Variants in ZFPM2 observed in about 807,000 individuals in gnomAD.
The protein encoded by ZFPM2 is zinc finger protein, FOG family member 2, also known as zinc finger protein ZFPM2.
In ZFPM2, 20 loss-of-function variants were observed where a neutral mutation model predicts 98.6. That is an observed-to-expected ratio of 0.20 (90% CI 0.14 to 0.29). The LOEUF is 0.29. Among genes scored for constraint, ZFPM2 ranks in the 10% least tolerant of loss-of-function variants. ZFPM2 has a pLI of 1.00. For synonymous variants in ZFPM2, 518 were observed against 502.7 expected (o/e 1.03, Z -0.41); for missense variants, 1,310 against 1,388.6 (o/e 0.94, Z 0.90).
At chr8:105,590,476 G>T (rs558945454) in intron 4 of ZFPM2, among the ~76,000 whole-genome samples, 1 of 152,244 alleles carries the variant, frequency 6.6e-6, no homozygotes, top group South Asian at 2.1e-4. Flanking sequence ...TATTAAAAAT[G>T]CTGTGTTTAT....
In ZFPM2 at chr8:105,587,137, C is replaced by T. The variant is rs959869670; in HGVS notation, c.420+25656C>T. 9.4e-4 allele frequency among the ~76,000 whole-genome samples: 142 copies of T among 151,430 alleles called. 1 individual carries two copies. The highest frequency in any genetic ancestry group is 7.8e-4 in the Non-Finnish European group (53 of 67,856). On this transcript the variant is annotated intron_variant, in intron 4 of 7. Transcript: ENST00000407775. Reference sequence around the variant, plus strand: ...TAAAAAATACAAAAAATTAACCGGGCGTGGTGGCGGGCACCTGTAGTCCCA... The same window carrying T: ...TAAAAAATACAAAAAATTAACCGGGTGTGGTGGCGGGCACCTGTAGTCCCA...
intron 3 of ZFPM2, among the ~76,000 whole-genome samples, chr8:105,548,853 T>A (rs1265300991): frequency 1.3e-5 from 2 of 152,176 alleles, no homozygotes; most frequent in Non-Finnish European, 2.9e-5. Flanking sequence ...AAGTCCACAT[T>A]AGATTCATTT....
At chr8:105,661,649 C>T (rs1817390718) in intron 5 of ZFPM2, among the ~76,000 whole-genome samples, 1 of 152,056 alleles carries the variant, frequency 6.6e-6, no homozygotes, top group Admixed American at 6.6e-5. Flanking sequence ...TCACTTTTCC[C>T]CTTTTTCTCT....
At chr8:105,468,766 A>G (rs1038881281) in intron 3 of ZFPM2, among the ~76,000 whole-genome samples, 5 of 152,178 alleles carry the variant, frequency 3.3e-5, no homozygotes, top group Non-Finnish European at 5.9e-5. Context: ...CCTCTCAACA[A>G]TCTAAGGCCC....
intron 4 of ZFPM2, among the ~76,000 whole-genome samples, chr8:105,615,982 A>G (rs1816406553): frequency 1.3e-5 from 2 of 152,172 alleles, no homozygotes; most frequent in African/African-American, 4.8e-5. Context: ...TTGACAAATG[A>G]GGCAACATAC....
At chr8:105,772,824 A>G (rs188942311) in intron 5 of ZFPM2, among the ~76,000 whole-genome samples, 51 of 152,274 alleles carry the variant, frequency 3.3e-4, no homozygotes, top group African/African-American at 1.2e-3. Context: ...ATTTAGCCCT[A>G]GTCACTTGGT....
At chr8:105,554,732 C>A (rs1045043225) in intron 3 of ZFPM2, among the ~76,000 whole-genome samples, 1 of 152,124 alleles carries the variant, frequency 6.6e-6, no homozygotes, top group Non-Finnish European at 1.5e-5. Flanking sequence ...GAAATCTGAG[C>A]CTTGAGTTAA....
At chr8:105,359,541 A>G (rs1812816931) in intron 1 of ZFPM2, among the ~76,000 whole-genome samples, 1 of 151,080 alleles carries the variant, frequency 6.6e-6, no homozygotes, top group Non-Finnish European at 1.5e-5. Flanking sequence ...TGCCTGGCTA[A>G]TTTTTTGTAT....
At chr8:105,716,375 A>G (rs2130987341) in intron 5 of ZFPM2, among the ~76,000 whole-genome samples, 1 of 151,800 alleles carries the variant, frequency 6.6e-6, no homozygotes, top group East Asian at 1.9e-4. Context: ...AACTTGTTAT[A>G]TGTATTTATA....
chr8:105,560,197 T>C (rs1489162360), intron 3 of ZFPM2, among the ~76,000 whole-genome samples: 1 of 80,910 alleles, frequency 1.2e-5, no homozygotes, highest in East Asian at 3.5e-4. Context: ...AGAAAGAAAA[T>C]ATAAGTACTG....
intron 5 of ZFPM2, among the ~76,000 whole-genome samples, chr8:105,673,215 GTACT>G (rs1438095233): frequency 1.3e-5 from 1 of 74,954 alleles, no homozygotes; most frequent in African/African-American, 6.0e-5. Context: ...TTTACCGATC[GTACT>G]TACTTATATA....
At chr8:105,436,427 G>T (rs1166497723) in intron 2 of ZFPM2, among the ~76,000 whole-genome samples, 1 of 151,468 alleles carries the variant, frequency 6.6e-6, no homozygotes, top group East Asian at 1.9e-4. Flanking sequence ...GGCTGAAGCA[G>T]GAGAATCGCT....
In ZFPM2 at chr8:105,803,354, C is replaced by T. The variant is rs746420683; in HGVS notation, c.3272C>T (p.Ser1091Leu). 4 of 1,610,666 alleles carry T rather than the reference C, an allele frequency of 2.5e-6. No individual in the cohort carries two copies. The Admixed American group carries it at 6.7e-5, about 27-fold the overall frequency. Reference protein sequence around the residue: ...ENPLAANENVSPGIPSAEEQL... With the variant: ...ENPLAANENVLPGIPSAEEQL... ...CCATTAGCTGCCAATGAGAATGTCT[C>T]ACCAGGAATTCCCTCAGCAGAGGAA... The change falls in exon 8 of 8, where the codon TCA becomes TTA. Residue 1091 changes from serine (S) to leucine (L), a missense_variant. Ser to Leu is a moderately radical substitution (Grantham distance 145, BLOSUM62 -2). Coordinates refer to ENST00000407775, the MANE Select transcript of ZFPM2 (RefSeq NM_012082.4).
At chr8:105,672,512 A>AT (rs984640610) in intron 5 of ZFPM2, among the ~76,000 whole-genome samples, 4 of 151,692 alleles carry the variant, frequency 2.6e-5, no homozygotes, top group South Asian at 4.2e-4. Flanking sequence ...TGTAGCAATT[A>AT]TTTTTTTTCT....
chr8:105,654,572 A>G (rs1199612268), intron 5 of ZFPM2, among the ~76,000 whole-genome samples: 3 of 116,994 alleles, frequency 2.6e-5, no homozygotes, highest in African/African-American at 7.2e-5. Flanking sequence ...CTTTTTTTCT[A>G]TCCTTTTTTT....
At chr8:105,546,007 C>T (rs16873365) in intron 3 of ZFPM2, among the ~76,000 whole-genome samples, 16,818 of 152,086 alleles carry the variant, frequency 0.11, 1,187 homozygotes, top group East Asian at 0.26. Flanking sequence ...CCTGGCTTAG[C>T]TATAAAGTAG....
intron 5 of ZFPM2, among the ~76,000 whole-genome samples, chr8:105,646,829 A>T (rs982839006): frequency 3.3e-5 from 5 of 152,038 alleles, no homozygotes; most frequent in Non-Finnish European, 2.9e-5. Flanking sequence ...GAGATTGTAG[A>T]TGATCCCTTA....
At chr8:105,487,869 C>G (rs564103577) in intron 3 of ZFPM2, among the ~76,000 whole-genome samples, 1 of 151,740 alleles carries the variant, frequency 6.6e-6, no homozygotes, top group Non-Finnish European at 1.5e-5. Flanking sequence ...TAATTTGTTA[C>G]TTTAACCCTA....
intron 5 of ZFPM2, among the ~76,000 whole-genome samples, chr8:105,784,390 T>G (rs16873680): frequency 0.093 from 12,207 of 131,018 alleles, 1,407 homozygotes; most frequent in African/African-American, 0.19. Flanking sequence ...AAATGAGTTA[T>G]CTGCCTCCAG....
Sources: allele counts gnomAD v4.1 joint callset (sites outside exome capture counted in the v4.1 genomes callset), GRCh38; gene constraint gnomAD v4.1.1; transcripts MANE v1.5; gene names NCBI Gene and HGNC (gene_info 2026-07-23, HGNC 2026-07-21).